PPP1R21: variants seen among roughly 807,000 people sequenced by gnomAD.
The protein encoded by PPP1R21 is KLRAQ motif containing 1.
In PPP1R21, 85 loss-of-function variants were observed where a neutral mutation model predicts 112.8. That is an observed-to-expected ratio of 0.75 (90% CI 0.63 to 0.90). The LOEUF (loss-of-function observed/expected upper bound fraction) is 0.90. Ranked by LOEUF, PPP1R21 falls within the 40% of genes least tolerant of loss-of-function variation. The probability of loss-of-function intolerance (pLI) is 0.00; values close to 1 mark genes in which losing one functional copy is unlikely to be tolerated. For missense variants in PPP1R21, 1,199 were observed against 901.5 expected (o/e 1.33, Z -4.23); for synonymous variants, 381 against 322.3 (o/e 1.18, Z -1.95).
chr2:48,498,711 G>C lies in PPP1R21; in HGVS notation c.1911G>C (p.Leu637Phe). ...GQDEATAKAV[L>F]EPIQSTSLIG... ...ATGAAGCCACAGCTAAGGCTGTGTT[G>C]GAGCCCATTCAGAGCACCAGTCTAG... The change falls in exon 17 of 22, where the codon TTG becomes TTC. Residue 637 changes from leucine (L) to phenylalanine (F), a missense_variant. Transcript: ENST00000294952. The C allele has an allele frequency of 6.2e-7, 1 of 1,614,166 alleles. No homozygotes were observed. Among genetic ancestry groups the C allele is most frequent in the East Asian group, 2.2e-5 (1 of 44,882 alleles).
chr2:48,460,140 C>G lies in PPP1R21; in HGVS notation c.586C>G (p.Arg196Gly), dbSNP rs982862438. 3.7e-6 allele frequency: 6 copies of G among 1,613,904 alleles called. No individual in the cohort carries two copies. Among genetic ancestry groups the G allele is most frequent in the African/African-American group, 1.3e-5 (1 of 74,880 alleles). The change falls in exon 6 of 22, where the codon CGA (arginine) becomes GGA (glycine). Residue 196 changes from arginine to glycine, a missense_variant. Physicochemically the swap from Arg to Gly is moderately radical, Grantham distance 125 (BLOSUM62 -2). Coordinates refer to ENST00000294952, the MANE Select transcript of PPP1R21 (RefSeq NM_001135629.3). The part of the protein sequence containing the change: ...LEKEAKECRL[R>G]TEECQLQLKT... ...AAAGGAAGCCAAGGAATGTCGACTT[C>G]GAACGGAAGAATGGTATGTGGAAAC...
At chr2:48,486,604 T>G in intron 13 of PPP1R21, 27 bp from the exon 14 acceptor site, 2 of 1,552,746 alleles carry the variant, frequency 1.3e-6, no homozygotes, top group African/African-American at 1.4e-5. Flanking sequence ...TAGATAATAA[T>G]GAATTTTCAT....
chr2:48,465,167 G>T (rs1005761292), intron 8 of PPP1R21, among the ~76,000 whole-genome samples, 178 bp downstream of exon 8: 31 of 152,120 alleles, frequency 2.0e-4, no homozygotes, highest in Admixed American at 2.0e-3. Flanking sequence ...GCATTCATAA[G>T]TAACACAGAT....
intron 7 of PPP1R21, among the ~76,000 whole-genome samples, chr2:48,463,095 A>G (rs1008084278): frequency 6.6e-6 from 1 of 152,216 alleles, no homozygotes; most frequent in African/African-American, 2.4e-5. Context: ...GTATCTATAT[A>G]ACTGCTGATG....
rs147193177 is a variant in PPP1R21, at chr2:48,447,150, G to T, written c.58-3858G>T. Among the ~76,000 whole-genome samples the T allele has an allele frequency of 7.9e-5, 12 of 152,266 alleles. No individual in the cohort carries two copies. In the East Asian group the frequency reaches 2.3e-3, roughly 29 times the overall value. On this transcript the variant is annotated intron_variant, in intron 1 of 21. Transcript: ENST00000294952. ...ATTTTAAAGAGATGTTTTGTTGTTA[G>T]TAAGTGCCAAAGGAACTGAGGCACA...
Position 48,486,768 on chromosome 2 carries a change from T to C in PPP1R21, c.1446+10T>C. 1.2e-6 allele frequency: 2 copies of C among 1,610,356 alleles called. No homozygotes were observed. Among genetic ancestry groups the C allele is most frequent in the Non-Finnish European group, 1.7e-6 (2 of 1,178,364 alleles). Reference sequence around the variant, plus strand: ...AAATGGAGCAGGAAAGGTAATTCTCTTCTGGCGTATATTGATGTTAAAACT... The same window carrying C: ...AAATGGAGCAGGAAAGGTAATTCTCCTCTGGCGTATATTGATGTTAAAACT... On this transcript the variant is annotated intron_variant, in intron 14 of 21. Transcript: ENST00000294952.
intron 7 of PPP1R21, among the ~76,000 whole-genome samples, chr2:48,464,403 A>T (rs1290432862): frequency 6.6e-6 from 1 of 152,114 alleles, no homozygotes; most frequent in Non-Finnish European, 1.5e-5. Flanking sequence ...ATGGCTAGGT[A>T]GGAGGAAGCT....
chr2:48,499,132 T>C (rs1388903150), intron 17 of PPP1R21, among the ~76,000 whole-genome samples: 1 of 126,826 alleles, frequency 7.9e-6, no homozygotes, highest in East Asian at 2.6e-4. Flanking sequence ...ATATTGGGGG[T>C]GGGGGGGGAC....
intron 1 of PPP1R21, among the ~76,000 whole-genome samples, chr2:48,443,609 A>G (rs755707806): frequency 3.9e-5 from 6 of 152,198 alleles, no homozygotes; most frequent in Admixed American, 3.9e-4. Flanking sequence ...CATCTCCCCT[A>G]TTGGACCAGG....
chr2:48,476,217 C>T (rs116603410), intron 12 of PPP1R21, among the ~76,000 whole-genome samples: 1 of 152,162 alleles, frequency 6.6e-6, no homozygotes, highest in Non-Finnish European at 1.5e-5. Context: ...GGTATGTGGT[C>T]TTTTCTGACT....
At chr2:48,475,292 G>A (rs1422545603) in intron 12 of PPP1R21, among the ~76,000 whole-genome samples, 1 of 152,082 alleles carries the variant, frequency 6.6e-6, no homozygotes, top group African/African-American at 2.4e-5. Context: ...GGTTAAGGCT[G>A]CAGTGAGCTA....
chr2:48,508,748 A>G (rs558564670), intron 19 of PPP1R21, among the ~76,000 whole-genome samples: 114 of 152,338 alleles, frequency 7.5e-4, no homozygotes, highest in African/African-American at 2.7e-3. Context: ...ATGTTTGGTT[A>G]ATAGGAGGCG....
At chr2:48,501,450 G>A (rs1432814072) in intron 17 of PPP1R21, among the ~76,000 whole-genome samples, 1 of 152,170 alleles carries the variant, frequency 6.6e-6, no homozygotes, top group Non-Finnish European at 1.5e-5. Flanking sequence ...CAAAGTATTA[G>A]TCAGTCAGTC....
At chr2:48,459,458 G>T (rs1463442337) in intron 4 of PPP1R21, among the ~76,000 whole-genome samples, 1 of 152,174 alleles carries the variant, frequency 6.6e-6, no homozygotes, top group Non-Finnish European at 1.5e-5. Context: ...GGTAGGAGGT[G>T]CAGGCTTTGG....
At chr2:48,510,240 C>T in intron 20 of PPP1R21, 127 bp downstream of exon 20, 1 of 563,744 alleles carries the variant, frequency 1.8e-6, no homozygotes, top group East Asian at 3.0e-5. Context: ...CACTGTATTT[C>T]TGATTCATTT....
intron 19 of PPP1R21, among the ~76,000 whole-genome samples, chr2:48,508,549 G>C (rs547991270): frequency 9.2e-5 from 14 of 152,204 alleles, no homozygotes; most frequent in East Asian, 1.9e-4. Context: ...ATGCAGGAAA[G>C]GGGGAGGACA....
chr2:48,478,985 A>G (rs2103886117), intron 12 of PPP1R21, among the ~76,000 whole-genome samples: 1 of 152,282 alleles, frequency 6.6e-6, no homozygotes, highest in South Asian at 2.1e-4. Flanking sequence ...CCCCCTTGTT[A>G]GAAACTGCGC....
chr2:48,451,257 C>T (rs1474340554), intron 2 of PPP1R21, among the ~76,000 whole-genome samples, 181 bp downstream of exon 2: 1 of 152,114 alleles, frequency 6.6e-6, no homozygotes, highest in Non-Finnish European at 1.5e-5. Flanking sequence ...ACATGAGGTA[C>T]TTTGATTTCC....
chr2:48,513,050 G>A (rs1670711054), intron 21 of PPP1R21, among the ~76,000 whole-genome samples: 1 of 152,124 alleles, frequency 6.6e-6, no homozygotes. Flanking sequence ...TTGAAAAGAA[G>A]TAGCAATAAT....
Sources: gnomAD v4.1 joint callset for allele counts (sites outside exome capture counted in the v4.1 genomes callset) on GRCh38, gnomAD v4.1.1 for gene constraint, MANE v1.5 for transcripts, NCBI Gene and HGNC (gene_info 2026-07-23, HGNC 2026-07-21) for gene names.